Variants in SYTL3 observed in about 807,000 individuals in gnomAD.
SYTL3 encodes the protein synaptotagmin-like protein 3.
SYTL3 carries 88 observed loss-of-function variants against 82.1 expected under a neutral mutation model. The observed-to-expected ratio is 1.07, with a 90% CI of 0.90 to 1.28. The LOEUF is 1.28. SYTL3 is among the 50% of genes most tolerant of loss of function. The probability of loss-of-function intolerance (pLI) is 0.00; values close to 1 mark genes in which losing one functional copy is unlikely to be tolerated. For synonymous variants in SYTL3, 311 were observed against 289.4 expected (o/e 1.07, Z -0.76); for missense variants, 831 against 757.6 (o/e 1.10, Z -1.14).
At chr6:158,652,901 A>G (rs1203745560) in intron 2 of SYTL3, among the ~76,000 whole-genome samples, 2 of 152,156 alleles carry the variant, frequency 1.3e-5, no homozygotes, top group East Asian at 3.9e-4. Context: ...ACTTGTGGAG[A>G]CTTTGGGAAA....
chr6:158,688,381 C>G (rs923957965), intron 6 of SYTL3, among the ~76,000 whole-genome samples: 5 of 152,154 alleles, frequency 3.3e-5, no homozygotes, highest in Non-Finnish European at 7.3e-5. Context: ...TTACAACAGG[C>G]TGGCAGGGTA....
chr6:158,705,515 A>G (rs143770131), intron 6 of SYTL3, among the ~76,000 whole-genome samples: 101 of 91,756 alleles, frequency 1.1e-3, no homozygotes, highest in Non-Finnish European at 1.4e-3. Flanking sequence ...TAGGACAGGA[A>G]GAACCCGGGG....
rs374428291 is a variant in SYTL3, at chr6:158,708,361, C to T, written c.486C>T (p.Ser162=). The T allele has an allele frequency of 1.2e-4, 193 of 1,614,042 alleles. No individual in the cohort carries two copies. In the East Asian group the frequency reaches 2.5e-3, roughly 21 times the overall value. Reference sequence around the variant, plus strand: ...TTCCTCCTACTCCACCTCCTGTCAGCGAGAGCCAGTGCAGCCGCAGTCCTG... The same window carrying T: ...TTCCTCCTACTCCACCTCCTGTCAGTGAGAGCCAGTGCAGCCGCAGTCCTG... The part of the protein sequence containing the change: ...SVVPPTPPPV[S]ESQCSRSPGR... Residue 162 remains serine (S), a synonymous_variant, in exon 8 of 18, where the codon AGC becomes AGT. Transcript: ENST00000611299.
At chr6:158,645,636 A>G (rs886773725), upstream of SYTL3, among the ~76,000 whole-genome samples, 1 of 152,098 alleles carries the variant, frequency 6.6e-6, no homozygotes, top group Non-Finnish European at 1.5e-5. Flanking sequence ...TTTCTACCCC[A>G]TATGCTCGGG....
intron 6 of SYTL3, among the ~76,000 whole-genome samples, chr6:158,704,402 CG>C (rs1210094351): frequency 3.9e-5 from 6 of 152,226 alleles, no homozygotes; most frequent in Non-Finnish European, 7.3e-5. Flanking sequence ...CGCGCACGCC[CG>C]GTCCGTGCAG....
chr6:158,704,917 G>T (rs1173596415), intron 6 of SYTL3, among the ~76,000 whole-genome samples: 1 of 33,886 alleles, frequency 3.0e-5, no homozygotes, highest in Non-Finnish European at 5.8e-5. Flanking sequence ...CCAGGGCAGG[G>T]TGACAGTGAG....
intron 11 of SYTL3, among the ~76,000 whole-genome samples, chr6:158,731,066 C>T (rs1411797441): frequency 2.0e-5 from 3 of 152,006 alleles, no homozygotes; most frequent in African/African-American, 4.8e-5. Context: ...AGGTGGATCA[C>T]GAGGTCAGGA....
chr6:158,706,852 A>G (rs1217767740), intron 6 of SYTL3, among the ~76,000 whole-genome samples: 1 of 152,244 alleles, frequency 6.6e-6, no homozygotes, highest in Admixed American at 6.5e-5. Context: ...TCATTCCATT[A>G]TGAAATGTTT....
At chr6:158,740,777 G>T (rs966046514) in intron 11 of SYTL3, among the ~76,000 whole-genome samples, 1 of 152,164 alleles carries the variant, frequency 6.6e-6, no homozygotes, top group African/African-American at 2.4e-5. Flanking sequence ...GTTGGACCGT[G>T]AATTTTATAT....
rs189025039 is a variant in SYTL3, at chr6:158,695,843, A to G, written c.395-11387A>G. Among the ~76,000 whole-genome samples, 523 of 152,308 alleles carry G rather than the reference A, an allele frequency of 3.4e-3. 2 individuals are homozygous for G. Among genetic ancestry groups the G allele is most frequent in the Middle Eastern group, 6.8e-3 (2 of 294 alleles). ...TCCTCAGGGTTCATTCATGTTGTAG[A>G]GCATGTATCAGAATTTCATTCCTTT... On this transcript the variant is annotated intron_variant, in intron 6 of 17. Transcript: ENST00000611299.
chr6:158,752,312 G>A (rs924346941), intron 13 of SYTL3, among the ~76,000 whole-genome samples: 8 of 152,182 alleles, frequency 5.3e-5, no homozygotes, highest in South Asian at 4.1e-4. Flanking sequence ...TCTTTGTCTC[G>A]GGCTAACACC....
At chr6:158,720,130 C>T (rs924095201) in intron 10 of SYTL3, among the ~76,000 whole-genome samples, 1 of 149,710 alleles carries the variant, frequency 6.7e-6, no homozygotes, top group African/African-American at 2.5e-5. Context: ...GGCCGGGCAC[C>T]ATGGCTCATG....
chr6:158,734,755 T>C (rs1785915950), intron 11 of SYTL3, among the ~76,000 whole-genome samples: 2 of 152,206 alleles, frequency 1.3e-5, no homozygotes, highest in South Asian at 4.1e-4. Context: ...TAGACTCTAA[T>C]TCCCAAGAGC....
intron 13 of SYTL3, among the ~76,000 whole-genome samples, chr6:158,756,413 T>A (rs1200788523): frequency 1.3e-5 from 2 of 152,070 alleles, no homozygotes; most frequent in African/African-American, 4.8e-5. Flanking sequence ...CTTTAAAAAA[T>A]AAATAAATAA....
chr6:158,710,059 C>T (rs192085686), intron 8 of SYTL3, among the ~76,000 whole-genome samples: 113 of 152,234 alleles, frequency 7.4e-4, no homozygotes, highest in African/African-American at 2.5e-3. Context: ...AAACAAAAAC[C>T]ATGACAGAAC....
Position 158,760,782 on chromosome 6 carries a change from C to A in SYTL3, c.1414+37C>A, listed in dbSNP as rs754353251. The A allele has an allele frequency of 6.5e-6, 10 of 1,527,946 alleles. No homozygotes were observed. The African/African-American group carries it at 1.2e-4, about 19-fold the overall frequency. The allele number at this position is 1,527,946 out of a possible 1,614,324, so 94.6% of individuals were successfully genotyped here. A position where few individuals can be genotyped will look rare whatever the true frequency, so the allele number is the denominator to read the frequency against. ...CCAGCTCCCTGGACATTGTCTGTGT[C>A]ATTGTCTGCAGAGCCTGGTGCTGCA... is the stretch of plus-strand genomic sequence containing the variant. On this transcript the variant is annotated intron_variant, in intron 15 of 17. Coordinates refer to ENST00000611299, the MANE Select transcript of SYTL3 (RefSeq NM_001242394.2).
Position 158,720,324 on chromosome 6 carries a change from A to C in SYTL3, c.720+2113A>C, listed in dbSNP as rs565152318. Among the ~76,000 whole-genome samples the C allele has an allele frequency of 4.7e-5, 7 of 149,026 alleles. No individual in the cohort carries two copies. In the South Asian group the frequency reaches 1.5e-3, roughly 32 times the overall value. ...GCCGAGGCAGGAGAATCTTTGCTTGAACCTAGGAGGCAGAGATTGCAGTAA... is the reference window on the plus strand; with the variant it reads ...GCCGAGGCAGGAGAATCTTTGCTTGCACCTAGGAGGCAGAGATTGCAGTAA... On this transcript the variant is annotated intron_variant, in intron 10 of 17. Transcript: ENST00000611299.
intron 5 of SYTL3, among the ~76,000 whole-genome samples, chr6:158,669,286 C>T (rs1020050601): frequency 2.6e-5 from 4 of 152,146 alleles, no homozygotes; most frequent in Admixed American, 2.0e-4. Flanking sequence ...TGGTCTTCTC[C>T]CTTAAGATTG....
chr6:158,741,424 G>A (rs1446588759), intron 11 of SYTL3, among the ~76,000 whole-genome samples: 27 of 152,190 alleles, frequency 1.8e-4, no homozygotes, highest in Admixed American at 1.8e-3. Context: ...TTGTCATGGA[G>A]AAGAATTGGG....
Sources: gnomAD v4.1 joint callset for allele counts (sites outside exome capture counted in the v4.1 genomes callset) on GRCh38, gnomAD v4.1.1 for gene constraint, MANE v1.5 for transcripts, NCBI Gene and HGNC (gene_info 2026-07-23, HGNC 2026-07-21) for gene names.